The following POU6F2 variants were observed in gnomAD, a reference collection of about 807,000 sequenced individuals.
POU6F2 encodes POU class 6 homeobox 2, also known as POU domain, class 6, transcription factor 2.
In POU6F2, 31 loss-of-function variants were observed where a neutral mutation model predicts 71.3. The observed-to-expected ratio is 0.43, with a 90% CI of 0.33 to 0.59. The LOEUF (loss-of-function observed/expected upper bound fraction) is 0.59. Ranked by LOEUF, POU6F2 falls within the 20% of genes least tolerant of loss-of-function variation. The pLI, the probability that POU6F2 is intolerant of heterozygous loss-of-function variation, is 0.04. For synonymous variants in POU6F2, 347 were observed against 355.7 expected, an observed-to-expected ratio of 0.98 and a Z score of 0.27; for missense variants, 783 against 856.8, an observed-to-expected ratio of 0.91 and a Z score of 1.07.
intron 1 of POU6F2, among the ~76,000 whole-genome samples, chr7:39,006,192 G>A (rs985149460): frequency 6.6e-5 from 10 of 152,054 alleles, no homozygotes; most frequent in South Asian, 2.1e-4. Context: ...GGCCGGGCGC[G>A]GTGGCTCACA....
chr7:39,464,507 T>C lies in POU6F2; in HGVS notation c.1984T>C (p.Ser662Pro), dbSNP rs1166023683. Residue 662 changes from serine (S) to proline (P), a missense_variant, in exon 10 of 10, where the codon TCT (serine) becomes CCT (proline). By Grantham distance (74) the Ser-to-Pro change is moderately conservative (BLOSUM62 -1). Around this residue, in one of 2 missense-constraint regions of POU6F2, gnomAD observed 211 missense variants for 283.9 expected, o/e 0.74. Coordinates refer to ENST00000518318, the MANE Select transcript of POU6F2 (RefSeq NM_001370959.1). This position sits in a 1 kb window ranked among gnomAD's most constrained non-coding sequence, Gnocchi z 4.1. ...NAHFEKNTHP[S>P]GQEMTEIAEK... The stretch of plus-strand genomic sequence containing the variant: ...CCACTTTGAGAAGAACACACACCCT[T>C]CTGGGCAGGAAATGACCGAAATTGC... 8 of 1,613,656 alleles carry C rather than the reference T, an allele frequency of 5.0e-6. No homozygotes were observed. Among genetic ancestry groups the C allele is most frequent in the Admixed American group, 1.7e-5 (1 of 59,958 alleles).
intron 4 of POU6F2, among the ~76,000 whole-genome samples, chr7:39,279,012 G>A (rs1051327664): frequency 2.6e-5 from 4 of 151,992 alleles, no homozygotes; most frequent in Admixed American, 1.3e-4. Flanking sequence ...CCCAACTCTC[G>A]TTTCTAATTG....
At chr7:39,076,651 A>G (rs1201049813) in intron 1 of POU6F2, among the ~76,000 whole-genome samples, 2 of 152,334 alleles carry the variant, frequency 1.3e-5, no homozygotes, top group East Asian at 1.9e-4. Context: ...CCTCAAGTAC[A>G]CTAAAGACTC....
chr7:39,036,872 GTTATTA>G (rs113776913), intron 1 of POU6F2, among the ~76,000 whole-genome samples: 55 of 147,416 alleles, frequency 3.7e-4, no homozygotes, highest in East Asian at 1.6e-3. Context: ...AAGAGTACCT[GTTATTA>G]TTATTATTAT....
At chr7:39,028,937 G>A (rs1218665736) in intron 1 of POU6F2, among the ~76,000 whole-genome samples, 1 of 151,934 alleles carries the variant, frequency 6.6e-6, no homozygotes, top group Admixed American at 6.6e-5. Context: ...CCTGAGTAGG[G>A]ATATAGGCAC....
Position 39,300,272 on chromosome 7 carries a change from G to T in POU6F2, c.599-39370G>T, listed in dbSNP as rs1409143034. On this transcript the variant is annotated intron_variant, in intron 4 of 9. Transcript: ENST00000518318. The stretch of plus-strand genomic sequence containing the variant: ...ATAACTAGAACTAAAGTGGAAGCCA[G>T]AATTCAGTTGTGTGGAATGGAAACC... Among the ~76,000 whole-genome samples, 5 of 152,346 alleles carry T rather than the reference G, an allele frequency of 3.3e-5. 1 individual carries two copies. The East Asian group carries it at 9.6e-4, about 29-fold the overall frequency.
chr7:39,007,077 A>G (rs1789095136), intron 1 of POU6F2, among the ~76,000 whole-genome samples: 1 of 152,178 alleles, frequency 6.6e-6, no homozygotes. Flanking sequence ...AGCTGTATCC[A>G]TGGGTGGCAT....
intron 2 of POU6F2, among the ~76,000 whole-genome samples, chr7:39,192,467 A>G (rs1178381801): frequency 1.3e-5 from 2 of 152,232 alleles, no homozygotes; most frequent in African/African-American, 4.8e-5. Context: ...ACAAATGGAA[A>G]AGTAAAGATA....
intron 5 of POU6F2, chr7:39,373,459 G>A (rs1460719204): frequency 1.5e-5 from 7 of 456,668 alleles, no homozygotes; most frequent in South Asian, 9.3e-5. Flanking sequence ...AATCATAAAT[G>A]TTTCTTTTGC....
At chr7:39,415,937 C>T (rs1461199461) in intron 6 of POU6F2, among the ~76,000 whole-genome samples, 1 of 152,088 alleles carries the variant, frequency 6.6e-6, no homozygotes, top group Non-Finnish European at 1.5e-5. Context: ...CATTCCCATC[C>T]TTCCATATCA....
chr7:39,423,346 C>T (rs1222883642), intron 6 of POU6F2, among the ~76,000 whole-genome samples: 1 of 152,118 alleles, frequency 6.6e-6, no homozygotes, highest in Non-Finnish European at 1.5e-5. Flanking sequence ...CCTACTAATC[C>T]AAAAGAGAGT....
At chr7:39,088,721 A>G (rs1312647300) in intron 2 of POU6F2, among the ~76,000 whole-genome samples, 1 of 152,216 alleles carries the variant, frequency 6.6e-6, no homozygotes, top group Non-Finnish European at 1.5e-5. Context: ...GAGAGACATT[A>G]ACCAACAACA....
intron 4 of POU6F2, among the ~76,000 whole-genome samples, chr7:39,299,789 T>C (rs1237166966): frequency 6.6e-6 from 1 of 152,178 alleles, no homozygotes; most frequent in Non-Finnish European, 1.5e-5. Context: ...TCAAGGTCCC[T>C]CAGGCAGGAA....
chr7:39,192,406 A>T (rs1793688383), intron 2 of POU6F2, among the ~76,000 whole-genome samples: 1 of 152,168 alleles, frequency 6.6e-6, no homozygotes, highest in African/African-American at 2.4e-5. Context: ...TGGTGTTCTG[A>T]GAGCAAATAA....
intron 5 of POU6F2, among the ~76,000 whole-genome samples, chr7:39,364,671 C>T (rs1475109461): frequency 4.6e-5 from 7 of 152,070 alleles, no homozygotes; most frequent in African/African-American, 1.2e-4. Flanking sequence ...CGTTGATTGA[C>T]GGGTATTTGG....
chr7:39,202,525 A>G (rs781387395), intron 2 of POU6F2, among the ~76,000 whole-genome samples: 1 of 152,186 alleles, frequency 6.6e-6, no homozygotes, highest in Non-Finnish European at 1.5e-5. Context: ...CCAAAACATC[A>G]CTTTGAAACC....
chr7:39,092,231 C>T (rs550166755), intron 2 of POU6F2, among the ~76,000 whole-genome samples: 1 of 152,072 alleles, frequency 6.6e-6, no homozygotes, highest in Admixed American at 6.6e-5. Context: ...AAAAAATATC[C>T]AAAGGCAGAG....
chr7:38,985,694 T>G (rs1172756091), intron 1 of POU6F2, among the ~76,000 whole-genome samples: 1 of 152,154 alleles, frequency 6.6e-6, no homozygotes, highest in Non-Finnish European at 1.5e-5. Flanking sequence ...TCCAGGGTCT[T>G]AAAAGTAAAT....
chr7:39,133,210 C>T (rs1242559589), intron 2 of POU6F2, among the ~76,000 whole-genome samples: 1 of 152,218 alleles, frequency 6.6e-6, no homozygotes, highest in African/African-American at 2.4e-5. Flanking sequence ...CTTGTGATGT[C>T]TCTGAGTGTT....
Sources: gnomAD v4.1 joint callset for allele counts (sites outside exome capture counted in the v4.1 genomes callset) on GRCh38, gnomAD v4.1.1 for gene constraint, gnomAD v4.1.1 regional missense constraint, Gnocchi (gnomAD v3.1) non-coding constraint, MANE v1.5 for transcripts, NCBI Gene and HGNC (gene_info 2026-07-23, HGNC 2026-07-21) for gene names.